The following SLC25A21 variants were observed in gnomAD, a reference collection of about 807,000 sequenced individuals.
The protein encoded by SLC25A21 is mitochondrial 2-oxodicarboxylate carrier.
A neutral mutation model predicts 43.8 loss-of-function variants in SLC25A21; 47 were observed. That is an observed-to-expected ratio of 1.07 (90% CI 0.85 to 1.37). The LOEUF is 1.37. SLC25A21 is among the 40% of genes most tolerant of loss of function. The pLI, the probability that SLC25A21 is intolerant of heterozygous loss-of-function variation, is 0.00. For synonymous variants in SLC25A21, 131 were observed against 121.3 expected (o/e 1.08, Z -0.52); for missense variants, 352 against 350.2 (o/e 1.00, Z -0.04).
At chr14:36,970,396 G>C (rs1156505194) in intron 1 of SLC25A21, among the ~76,000 whole-genome samples, 2 of 152,282 alleles carry the variant, frequency 1.3e-5, no homozygotes, top group Non-Finnish European at 2.9e-5. Context: ...AAGTTACTGA[G>C]TCAGGGTCAT....
At chr14:37,146,243 T>G (rs1022902733) in intron 1 of SLC25A21, among the ~76,000 whole-genome samples, 1 of 152,202 alleles carries the variant, frequency 6.6e-6, no homozygotes, top group African/African-American at 2.4e-5. Flanking sequence ...GCACTAGGGA[T>G]ACACCAGAGT....
At chr14:36,801,793 G>A (rs1407406588) in intron 3 of SLC25A21, among the ~76,000 whole-genome samples, 2 of 152,070 alleles carry the variant, frequency 1.3e-5, no homozygotes, top group African/African-American at 4.8e-5. Flanking sequence ...TGGGTTTTAT[G>A]TACACAGTTT....
At chr14:37,041,490 A>G (rs1961470901) in intron 1 of SLC25A21, among the ~76,000 whole-genome samples, 1 of 148,194 alleles carries the variant, frequency 6.7e-6, no homozygotes, top group Non-Finnish European at 1.5e-5. Flanking sequence ...CCCTGTCTCT[A>G]AAAAGAAAAA....
At chr14:36,934,448 G>A (rs1189330243) in intron 1 of SLC25A21, among the ~76,000 whole-genome samples, 2 of 144,370 alleles carry the variant, frequency 1.4e-5, no homozygotes, top group African/African-American at 5.2e-5. Context: ...CACTTAACCT[G>A]TGTCTGTTTT....
chr14:37,123,318 A>T (rs573057076), intron 1 of SLC25A21, among the ~76,000 whole-genome samples: 1 of 152,214 alleles, frequency 6.6e-6, no homozygotes, highest in Admixed American at 6.5e-5. Context: ...GTCACCAACA[A>T]CTAAATGAAA....
intron 1 of SLC25A21, among the ~76,000 whole-genome samples, chr14:36,926,007 C>T (rs1271416829): frequency 6.6e-6 from 1 of 152,116 alleles, no homozygotes; most frequent in Non-Finnish European, 1.5e-5. Flanking sequence ...ACTAACTTGA[C>T]CATATTGGCA....
chr14:36,934,396 C>T (rs868784443), intron 1 of SLC25A21, among the ~76,000 whole-genome samples: 2 of 151,378 alleles, frequency 1.3e-5, no homozygotes, highest in African/African-American at 4.9e-5. Flanking sequence ...CTAAGCAACA[C>T]ACTCCAAGGC....
At chr14:36,764,178 AAGAAAGAAAGAAAGAG>A (rs1566588272) in intron 3 of SLC25A21, among the ~76,000 whole-genome samples, 3 of 78,232 alleles carry the variant, frequency 3.8e-5, no homozygotes, top group South Asian at 8.8e-4. Context: ...GAAAGAAAGA[AAGAAAGAAAGAAAGAG>A]AAAGAAAGAA....
At chr14:36,776,230 CTTTCTTTCTTT>C (rs1261497976) in intron 3 of SLC25A21, among the ~76,000 whole-genome samples, 3 of 70,842 alleles carry the variant, frequency 4.2e-5, no homozygotes, top group Admixed American at 1.6e-4. Flanking sequence ...CTTTTTCTTT[CTTTCTTTCTTT>C]TTTTTTTTTT....
intron 1 of SLC25A21, among the ~76,000 whole-genome samples, chr14:36,953,063 G>A (rs1229688812): frequency 1.3e-5 from 2 of 152,104 alleles, no homozygotes; most frequent in Non-Finnish European, 2.9e-5. Context: ...GGTATCAATT[G>A]CCTGTATTAT....
At chr14:36,691,315 G>A (rs1386560480) in intron 7 of SLC25A21, among the ~76,000 whole-genome samples, 1 of 152,120 alleles carries the variant, frequency 6.6e-6, no homozygotes, top group Non-Finnish European at 1.5e-5. Context: ...ACAAGACTAG[G>A]AGTGAATTCA....
intron 2 of SLC25A21, among the ~76,000 whole-genome samples, chr14:36,831,445 T>C (rs1192984275): frequency 6.6e-6 from 1 of 152,204 alleles, no homozygotes; most frequent in Non-Finnish European, 1.5e-5. Context: ...TTAAAAGCTC[T>C]GGTTGAAAAG....
intron 1 of SLC25A21, among the ~76,000 whole-genome samples, chr14:36,882,708 T>C (rs1263231611): frequency 6.6e-6 from 1 of 151,896 alleles, no homozygotes; most frequent in South Asian, 2.1e-4. Context: ...AATTTACATT[T>C]CCAGTCCAGA....
At chr14:36,853,538 G>C (rs2138519022) in intron 2 of SLC25A21, among the ~76,000 whole-genome samples, 1 of 152,246 alleles carries the variant, frequency 6.6e-6, no homozygotes, top group Admixed American at 6.5e-5. Context: ...CCTGCTACCA[G>C]CCCGGGTCAT....
chr14:37,094,696 C>A (rs1962651934), intron 1 of SLC25A21, among the ~76,000 whole-genome samples: 1 of 150,694 alleles, frequency 6.6e-6, no homozygotes. Context: ...ATGACTAGTC[C>A]ATTTTACAGG....
intron 3 of SLC25A21, among the ~76,000 whole-genome samples, chr14:36,741,125 C>T (rs1885240479): frequency 6.6e-6 from 1 of 152,024 alleles, no homozygotes; most frequent in Admixed American, 6.6e-5. Context: ...TGAGTCACCC[C>T]CATTGTTGGT....
intron 1 of SLC25A21, among the ~76,000 whole-genome samples, chr14:36,985,144 G>C (rs1960116395): frequency 6.7e-6 from 1 of 149,040 alleles, no homozygotes; most frequent in South Asian, 2.2e-4. Flanking sequence ...CATGGACACA[G>C]GAAGGGGAAT....
intron 2 of SLC25A21, among the ~76,000 whole-genome samples, chr14:36,854,510 A>G (rs1231760793): frequency 6.6e-6 from 1 of 152,172 alleles, no homozygotes; most frequent in Non-Finnish European, 1.5e-5. Context: ...TGTTCAATGG[A>G]GATAATACTA....
chr14:36,683,655 C>T (rs1162439501), intron 9 of SLC25A21, among the ~76,000 whole-genome samples, 173 bp downstream of exon 9: 2 of 152,166 alleles, frequency 1.3e-5, no homozygotes, highest in Non-Finnish European at 2.9e-5. Context: ...AAAGGTAGAA[C>T]ATTTCTAATG....
Sources: allele counts gnomAD v4.1 joint callset (sites outside exome capture counted in the v4.1 genomes callset), GRCh38; gene constraint gnomAD v4.1.1; transcripts MANE v1.5; gene names NCBI Gene and HGNC (gene_info 2026-07-23, HGNC 2026-07-21).